REPS2: variants seen among roughly 807,000 people sequenced by gnomAD.
REPS2 encodes the protein RALBP1 associated Eps domain containing 2.
REPS2 carries 23 observed loss-of-function variants against 53.6 expected under a neutral mutation model. That is an observed-to-expected ratio of 0.43 (90% confidence interval 0.31 to 0.61). The LOEUF is 0.61. Among genes scored for constraint, REPS2 ranks in the 20% least tolerant of loss-of-function variants. REPS2 has a pLI of 0.11. For missense variants in REPS2, 446 were observed against 534.9 expected (o/e 0.83, Z 1.64); for synonymous variants, 238 against 218.6 (o/e 1.09, Z -0.78).
chrX:17,001,603 G>A (rs959295193), intron 1 of REPS2, among the ~76,000 whole-genome samples: 3 of 112,515 alleles, frequency 2.7e-5, no homozygotes. Context: ...AATCCTGGAT[G>A]AGGAAAAGAA....
the REPS2 span, among the ~76,000 whole-genome samples, chrX:17,165,846 G>T: frequency 4.5e-5 from 5 of 111,065 alleles, no homozygotes; most frequent in Admixed American, 4.8e-4. Context: ...CTCTGCAAGA[G>T]AAATTATTCA....
At chrX:17,116,372 G>A (rs2063056151) in intron 14 of REPS2, among the ~76,000 whole-genome samples, 1 of 109,068 alleles carries the variant, frequency 9.2e-6, no homozygotes, top group African/African-American at 3.4e-5. Flanking sequence ...ACCACACCTG[G>A]CTAATTTTTT....
chrX:16,969,330 C>T (rs1230709159), intron 1 of REPS2, among the ~76,000 whole-genome samples: 45 of 111,772 alleles, frequency 4.0e-4, no homozygotes, highest in Middle Eastern at 9.3e-3. Flanking sequence ...GGGTGGCGGC[C>T]GGGCAGAGGC....
chrX:16,986,012 G>T (rs968096897), intron 1 of REPS2, among the ~76,000 whole-genome samples: 1 of 111,562 alleles, frequency 9.0e-6, no homozygotes, highest in African/African-American at 3.3e-5. Context: ...CAATCCTGAG[G>T]TTTTTTGGGA....
Position 17,138,849 on chromosome X carries a change from T to G in REPS2, c.1809-7T>G. ...TTTTTCACTGAAGTGTTTGTGCTTTTCTATAGGCAGTCTTCCAAACAGAAG... is the reference window on the plus strand; with the variant it reads ...TTTTTCACTGAAGTGTTTGTGCTTTGCTATAGGCAGTCTTCCAAACAGAAG... On this transcript the variant is annotated splice_polypyrimidine_tract_variant and splice_region_variant and intron_variant, in intron 16 of 17. Coordinates refer to ENST00000357277, the MANE Select transcript of REPS2 (RefSeq NM_004726.3). The G allele has an allele frequency of 8.5e-7, 1 of 1,174,954 alleles. No homozygotes were observed. The highest frequency in any genetic ancestry group is 1.1e-6 in the Non-Finnish European group (1 of 871,687).
At chrX:17,194,751 A>C in the REPS2 span, among the ~76,000 whole-genome samples, 1 of 111,995 alleles carries the variant, frequency 8.9e-6, no homozygotes, top group Non-Finnish European at 1.9e-5. Context: ...GGGGGAATCC[A>C]AGTAAGTTCT....
intron 10 of REPS2, 94 bp downstream of exon 10, chrX:17,068,565 T>A: frequency 6.2e-6 from 4 of 642,024 alleles, no homozygotes; most frequent in Non-Finnish European, 9.7e-6. Flanking sequence ...CATATGAGGG[T>A]GGTTCTCAGC....
chrX:16,957,756 G>A (rs2060613769), intron 1 of REPS2, among the ~76,000 whole-genome samples: 1 of 111,326 alleles, frequency 9.0e-6, no homozygotes, highest in Non-Finnish European at 1.9e-5. Context: ...TTTTTTGTTC[G>A]AGATCCAGAT....
intron 14 of REPS2, among the ~76,000 whole-genome samples, chrX:17,128,042 A>G (rs759509428): frequency 1.8e-5 from 2 of 111,891 alleles, no homozygotes; most frequent in South Asian, 7.6e-4. Context: ...AGTGAGAGAT[A>G]GAGATAGAAA....
intron 5 of REPS2, among the ~76,000 whole-genome samples, chrX:17,031,175 G>A (rs1031460719): frequency 2.7e-5 from 3 of 112,291 alleles, no homozygotes; most frequent in Non-Finnish European, 5.6e-5. Flanking sequence ...GGTATCAGTA[G>A]GACTGGGATT....
At chrX:17,169,726 ACAAT>A in the REPS2 span, among the ~76,000 whole-genome samples, 1 of 112,406 alleles carries the variant, frequency 8.9e-6, no homozygotes, top group Non-Finnish European at 1.9e-5. Context: ...AGACTGGCTG[ACAAT>A]CAAAGATTTG....
intron 1 of REPS2, among the ~76,000 whole-genome samples, chrX:16,957,670 C>T (rs1424482047): frequency 8.9e-6 from 1 of 111,999 alleles, no homozygotes. Context: ...CCTTTGCATA[C>T]TCTCTGGTAC....
At chrX:17,142,210 T>TA (rs1208564718) in intron 17 of REPS2, among the ~76,000 whole-genome samples, 1 of 112,069 alleles carries the variant, frequency 8.9e-6, no homozygotes, top group African/African-American at 3.2e-5. Flanking sequence ...ATACAGAGAT[T>TA]AACTTGAAAT....
intron 17 of REPS2, 106 bp downstream of exon 17, chrX:17,139,067 G>T: frequency 2.1e-6 from 1 of 478,748 alleles, no homozygotes; most frequent in South Asian, 3.9e-5. Context: ...TTATAGGGTG[G>T]GGTACATAGT....
At chrX:17,067,174 C>T (rs2062236360) in intron 9 of REPS2, among the ~76,000 whole-genome samples, 1 of 112,052 alleles carries the variant, frequency 8.9e-6, no homozygotes, top group African/African-American at 3.2e-5. Flanking sequence ...TCTACCAACT[C>T]ACCTTTCAAT....
intron 5 of REPS2, among the ~76,000 whole-genome samples, chrX:17,043,501 C>T (rs867196397): frequency 1.3e-3 from 31 of 23,449 alleles, no homozygotes; most frequent in Middle Eastern, 0.047. Flanking sequence ...TGCAGCCTTT[C>T]TTGCCCCCCC....
At chrX:17,060,317 A>G (rs2147950351) in intron 8 of REPS2, among the ~76,000 whole-genome samples, 1 of 111,168 alleles carries the variant, frequency 9.0e-6, no homozygotes, top group Admixed American at 9.6e-5. Flanking sequence ...ATAAAATAAA[A>G]TAAAAATAAA....
intron 13 of REPS2, among the ~76,000 whole-genome samples, chrX:17,077,821 T>C (rs2062402571): frequency 8.9e-6 from 1 of 112,546 alleles, no homozygotes; most frequent in South Asian, 3.6e-4. Context: ...GCCAGAACCT[T>C]CTCCTGCATT....
intron 5 of REPS2, 117 bp downstream of exon 5, chrX:17,029,740 C>T: frequency 2.1e-6 from 1 of 470,043 alleles, no homozygotes; most frequent in Non-Finnish European, 3.6e-6. Flanking sequence ...ACTGATCCTT[C>T]ATGCAAATAT....
Sources: gnomAD v4.1 joint callset for allele counts (sites outside exome capture counted in the v4.1 genomes callset) on GRCh38, gnomAD v4.1.1 for gene constraint, MANE v1.5 for transcripts, NCBI Gene and HGNC (gene_info 2026-07-23, HGNC 2026-07-21) for gene names.